The following ADAM2 variants were observed in gnomAD, a reference collection of about 807,000 sequenced individuals.
ADAM2 encodes the protein ADAM metallopeptidase domain 2.
ADAM2 carries 101 observed loss-of-function variants against 99.3 expected under a neutral mutation model. The ratio of observed to expected loss-of-function variants is 1.02; its 90% CI spans 0.87 to 1.20. ADAM2 has a LOEUF of 1.20. Ranked by LOEUF, ADAM2 falls within the 50% of genes most tolerant of loss-of-function variation. The pLI is 0.00. For missense variants in ADAM2, 948 were observed against 878.7 expected (o/e 1.08, Z -1.00); for synonymous variants, 323 against 287.6 (o/e 1.12, Z -1.25).
chr8:39,770,599 T>C (rs1026186684), intron 11 of ADAM2, among the ~76,000 whole-genome samples: 1 of 152,240 alleles, frequency 6.6e-6, no homozygotes, highest in Non-Finnish European at 1.5e-5. Context: ...TTTAAAATTA[T>C]ATGCAGTTTA....
chr8:39,827,811 G>A (rs1474578705), intron 3 of ADAM2, among the ~76,000 whole-genome samples: 2 of 152,078 alleles, frequency 1.3e-5, no homozygotes, highest in African/African-American at 4.8e-5. Context: ...TGTACAACAA[G>A]TTGACTGTAG....
chr8:39,784,535 A>C (rs2129585104), intron 10 of ADAM2, among the ~76,000 whole-genome samples: 1 of 152,220 alleles, frequency 6.6e-6, no homozygotes, highest in East Asian at 1.9e-4. Flanking sequence ...TGCCTGGCGA[A>C]TATTTATATT....
At chr8:39,753,232 C>A (rs1238572418) in intron 16 of ADAM2, among the ~76,000 whole-genome samples, 1 of 152,098 alleles carries the variant, frequency 6.6e-6, no homozygotes, top group Non-Finnish European at 1.5e-5. Flanking sequence ...TTCTTAGGAA[C>A]TGGAGAAAAG....
At chr8:39,823,547 T>A (rs72642848) in intron 4 of ADAM2, among the ~76,000 whole-genome samples, 34,764 of 151,386 alleles carry the variant, frequency 0.23, 4,211 homozygotes, top group African/African-American at 0.3. Context: ...TTTTTAACTG[T>A]ACATTTATCT....
chr8:39,782,476 A>G (rs1803271795), intron 10 of ADAM2, among the ~76,000 whole-genome samples: 1 of 152,118 alleles, frequency 6.6e-6, no homozygotes. Context: ...CAAGCATTAA[A>G]TATTTTGGAG....
Position 39,778,064 on chromosome 8 carries a change from A to G in ADAM2, c.892-903T>C, listed in dbSNP as rs372126464. Among the ~76,000 whole-genome samples the G allele has an allele frequency of 8.8e-5, 13 of 148,432 alleles. 1 individual carries two copies. The highest frequency in any genetic ancestry group is 2.9e-4 in the African/African-American group (12 of 40,938). On this transcript the variant is annotated intron_variant, in intron 10 of 20. Coordinates refer to ENST00000265708, the MANE Select transcript of ADAM2 (RefSeq NM_001464.5). ...ATATATTAATTATATATTAAATTAT[A>G]AACATATAATTTAAATTTATAACTT...
chr8:39,806,077 AAC>A (rs760117984), intron 7 of ADAM2, among the ~76,000 whole-genome samples: 59 of 152,174 alleles, frequency 3.9e-4, no homozygotes, highest in Non-Finnish European at 7.8e-4. Context: ...CAGAAAGTAA[AAC>A]TTGCCTGAGT....
intron 7 of ADAM2, 83 bp downstream of exon 7, chr8:39,809,327 T>C: frequency 1.5e-6 from 1 of 672,772 alleles, no homozygotes; most frequent in Non-Finnish European, 2.6e-6. Flanking sequence ...TCAATTCTTT[T>C]CTGTTAAAAA....
intron 16 of ADAM2, among the ~76,000 whole-genome samples, chr8:39,750,965 T>G (rs1421881234): frequency 1.3e-5 from 2 of 152,184 alleles, no homozygotes; most frequent in Non-Finnish European, 2.9e-5. Context: ...CTAAAGAATA[T>G]TGGCAATATT....
chr8:39,744,550 C>T (rs1191816480), intron 20 of ADAM2, among the ~76,000 whole-genome samples: 2 of 151,948 alleles, frequency 1.3e-5, no homozygotes, highest in Admixed American at 1.3e-4. Context: ...AACCAAACAC[C>T]GCATGTTCTC....
chr8:39,761,234 T>C lies in ADAM2; in HGVS notation c.1555A>G (p.Thr519Ala). Residue 519 changes from threonine (T) to alanine (A), a missense_variant, in exon 15 of 21, where the codon ACT (threonine) becomes GCT (alanine). Transcript: ENST00000265708. ...ATACCACAGTTTCCAGATACATCAG[T>C]CTTTGAATTAAGGTGAGAATAACAT... ...SECYSHLNSK[T>A]DVSGNCGISD... The C allele has an allele frequency of 6.2e-7, 1 of 1,605,628 alleles. No homozygotes were observed. Among genetic ancestry groups the C allele is most frequent in the Non-Finnish European group, 8.5e-7 (1 of 1,175,238 alleles).
At chr8:39,762,593 A>C (rs567679116) in intron 14 of ADAM2, among the ~76,000 whole-genome samples, 2 of 152,326 alleles carry the variant, frequency 1.3e-5, no homozygotes, top group African/African-American at 2.4e-5. Flanking sequence ...GTCTACAATA[A>C]GTTTATTTTA....
In ADAM2 at chr8:39,766,859, G is replaced by A. The variant is rs370916151; in HGVS notation, c.1496C>T (p.Thr499Ile). Reference sequence around the variant, plus strand: ...ATGATAATAAATACCTTTGCCAAATGTGTCTGTACATTGTTTATCCCCACT... The same window carrying A: ...ATGATAATAAATACCTTTGCCAAATATGTCTGTACATTGTTTATCCCCACT... ...CMSGDKQCTD[T>I]FGKEVEFGPS... The change falls in exon 14 of 21, where the codon ACA becomes ATA. Residue 499 changes from threonine to isoleucine, a missense_variant. Transcript: ENST00000265708. 29 of 1,586,796 alleles carry A rather than the reference G, an allele frequency of 1.8e-5. No homozygotes were observed. In the African/African-American group the frequency reaches 2.6e-4, roughly 14 times the overall value.
chr8:39,781,794 G>A (rs1249733918), intron 10 of ADAM2, among the ~76,000 whole-genome samples: 1 of 152,134 alleles, frequency 6.6e-6, no homozygotes, highest in African/African-American at 2.4e-5. Flanking sequence ...CAGACTAGTA[G>A]GGTTTACACT....
chr8:39,746,896 T>G (rs1428814661), intron 18 of ADAM2, among the ~76,000 whole-genome samples: 1 of 152,208 alleles, frequency 6.6e-6, no homozygotes, highest in African/African-American at 2.4e-5. Flanking sequence ...ATTTTTTTTG[T>G]GATTTTCTTC....
In ADAM2 at chr8:39,775,405, C is replaced by G. The variant is rs374949282; in HGVS notation, c.1028+1620G>C. ...CCAGTTTTATAGCATCTAGATCGTT[C>G]ACCAAGTATCCAAGCTATTTGCCAC... On this transcript the variant is annotated intron_variant, in intron 11 of 20. Transcript: ENST00000265708. Among the ~76,000 whole-genome samples the G allele has an allele frequency of 2.0e-4, 30 of 152,174 alleles. No homozygotes were observed. The East Asian group carries it at 2.1e-3, about 11-fold the overall frequency.
intron 10 of ADAM2, among the ~76,000 whole-genome samples, chr8:39,784,039 T>C (rs1205570525): frequency 6.6e-6 from 1 of 152,188 alleles, no homozygotes; most frequent in Non-Finnish European, 1.5e-5. Context: ...TGGTTTCACA[T>C]ATAAACTTTT....
Position 39,749,195 on chromosome 8 carries a change from A to G in ADAM2, c.2014+117T>C, listed in dbSNP as rs1823599645. ...AAGTAACACATACACATTCATGTGC[A>G]GTTTAATGTCTAAACATAGTCTAGA... On this transcript the variant is annotated intron_variant, in intron 18 of 20. Transcript: ENST00000265708. 1.4e-5 allele frequency: 12 copies of G among 855,672 alleles called. No homozygotes were observed. The South Asian group carries it at 2.0e-4, about 15-fold the overall frequency. 53.0% of individuals were successfully genotyped at this position (855,672 alleles called of 1,614,324 possible). A position where few individuals can be genotyped will look rare whatever the true frequency, so the allele number is the denominator to read the frequency against.
At chr8:39,789,924 C>T (rs770312596) in intron 7 of ADAM2, among the ~76,000 whole-genome samples, 1 of 151,666 alleles carries the variant, frequency 6.6e-6, no homozygotes, top group Non-Finnish European at 1.5e-5. Context: ...ATAACTAGTA[C>T]ACAAATGCAA....
Sources: gnomAD v4.1 joint callset for allele counts (sites outside exome capture counted in the v4.1 genomes callset) on GRCh38, gnomAD v4.1.1 for gene constraint, MANE v1.5 for transcripts, NCBI Gene and HGNC (gene_info 2026-07-23, HGNC 2026-07-21) for gene names.